PFKFB3: variants seen among roughly 807,000 people sequenced by gnomAD.
PFKFB3 encodes 6-phosphofructo-2-kinase/fructose-2,6-biphosphatase 3.
Under a neutral mutation model 68.0 loss-of-function variants are expected in PFKFB3, and 33 were observed. The observed-to-expected ratio is 0.49, with a 90% CI of 0.37 to 0.65. The LOEUF (loss-of-function observed/expected upper bound fraction) is 0.65, where lower values mean the gene tolerates loss of function less well. Among genes scored for constraint, PFKFB3 ranks in the 30% least tolerant of loss-of-function variants. The pLI is 0.00. For synonymous variants in PFKFB3, 315 were observed against 288.2 expected (o/e 1.09, Z -0.94); for missense variants, 586 against 712.2 (o/e 0.82, Z 2.02).
chr10:6,219,424 T>C, intron 6 of PFKFB3, 145 bp from the exon 7 acceptor site: 1 of 808,212 alleles, frequency 1.2e-6, no homozygotes, highest in Non-Finnish European at 2.0e-6. Context: ...CCCAGCATCT[T>C]TCTCCCTTTC....
intron 1 of PFKFB3, among the ~76,000 whole-genome samples, chr10:6,170,077 G>T (rs75419115): frequency 0.011 from 1,648 of 152,272 alleles, 69 homozygotes; most frequent in East Asian, 0.099. Context: ...TGAAGTGGGG[G>T]TGGGAGGACA....
chr10:6,268,223 G>C, the PFKFB3 span, among the ~76,000 whole-genome samples: 12 of 152,164 alleles, frequency 7.9e-5, no homozygotes, highest in Non-Finnish European at 1.6e-4. Context: ...CAGTAATGCT[G>C]AAAGCATGTG....
intron 14 of PFKFB3, among the ~76,000 whole-genome samples, chr10:6,227,069 G>A (rs1396193994): frequency 1.3e-5 from 2 of 151,876 alleles, no homozygotes; most frequent in African/African-American, 4.8e-5. Context: ...CTGGGTGACA[G>A]AGGGAGACTC....
chr10:6,185,134 C>T (rs759759922), intron 1 of PFKFB3, among the ~76,000 whole-genome samples: 25 of 152,230 alleles, frequency 1.6e-4, no homozygotes, highest in Non-Finnish European at 2.4e-4. Flanking sequence ...AGGGTGACCA[C>T]GGCACGCCCC....
chr10:6,266,396 C>T, the PFKFB3 span, among the ~76,000 whole-genome samples: 1 of 152,110 alleles, frequency 6.6e-6, no homozygotes, highest in East Asian at 1.9e-4. Context: ...TAGGCCTGTA[C>T]AATACTCCAG....
chr10:6,148,788 G>A (rs1285894441), intron 1 of PFKFB3, among the ~76,000 whole-genome samples: 1 of 152,106 alleles, frequency 6.6e-6, no homozygotes, highest in Non-Finnish European at 1.5e-5. Flanking sequence ...CTTAGAAATC[G>A]AATAGATGGG....
At chr10:6,194,763 C>T (rs555589372) in intron 1 of PFKFB3, among the ~76,000 whole-genome samples, 14 of 152,322 alleles carry the variant, frequency 9.2e-5, no homozygotes, top group African/African-American at 3.4e-4. Context: ...TGATTTGTCC[C>T]TTTGCACAGT....
chr10:6,236,516 C>G (rs1846015775), downstream of PFKFB3, among the ~76,000 whole-genome samples: 1 of 152,230 alleles, frequency 6.6e-6, no homozygotes, highest in African/African-American at 2.4e-5. Context: ...GCCGCCCACG[C>G]TGTGAAGAGA....
chr10:6,223,009 G>A (rs368617858), intron 11 of PFKFB3, 25 bp downstream of exon 11: 45 of 1,605,122 alleles, frequency 2.8e-5, no homozygotes, highest in Middle Eastern at 3.4e-4. Flanking sequence ...TCGTGGCCCC[G>A]GGATGGAGGG....
chr10:6,231,199 A>C, intron 14 of PFKFB3: 1 of 1,171,518 alleles, frequency 8.5e-7, no homozygotes, highest in East Asian at 2.3e-5. Context: ...AATCCTACTA[A>C]AGATTTTCTT....
intron 14 of PFKFB3, among the ~76,000 whole-genome samples, chr10:6,245,337 T>C (rs921859197): frequency 4.6e-5 from 7 of 152,058 alleles, no homozygotes; most frequent in Admixed American, 1.3e-4. Context: ...CCTTGTGATC[T>C]GCCCGCCTTG....
the PFKFB3 span, among the ~76,000 whole-genome samples, chr10:6,262,469 A>AAAAAAAAAG: frequency 8.2e-6 from 1 of 121,726 alleles, no homozygotes; most frequent in Non-Finnish European, 1.7e-5. Context: ...AAAAAAAAAA[A>AAAAAAAAAG]AAAAAAAAAA....
chr10:6,302,915 C>T, the PFKFB3 span, among the ~76,000 whole-genome samples: 1 of 152,028 alleles, frequency 6.6e-6, no homozygotes, highest in Non-Finnish European at 1.5e-5. Flanking sequence ...TTGGACATGG[C>T]GTCTCCCCAG....
upstream of PFKFB3, among the ~76,000 whole-genome samples, chr10:6,198,203 A>C (rs1444605985): frequency 6.6e-6 from 1 of 150,380 alleles, no homozygotes; most frequent in Non-Finnish European, 1.5e-5. Context: ...CCGAGATGGT[A>C]CCACTGCACT....
At chr10:6,199,600 T>G (rs1588458760), upstream of PFKFB3, among the ~76,000 whole-genome samples, 1 of 147,388 alleles carries the variant, frequency 6.8e-6, no homozygotes, top group African/African-American at 2.5e-5. Flanking sequence ...TCCTCCCACC[T>G]CAGTCTCCAA....
chr10:6,204,526 C>T (rs1409924179), intron 1 of PFKFB3, among the ~76,000 whole-genome samples: 2 of 152,238 alleles, frequency 1.3e-5, no homozygotes, highest in African/African-American at 2.4e-5. Context: ...ACACCCACCC[C>T]CATGGTGTGC....
chr10:6,320,242 A>G, the PFKFB3 span, among the ~76,000 whole-genome samples: 1 of 152,192 alleles, frequency 6.6e-6, no homozygotes, highest in Non-Finnish European at 1.5e-5. Context: ...GCATCTTCTA[A>G]GAGACACAGC....
chr10:6,252,578 T>C (rs139888265), intron 14 of PFKFB3, among the ~76,000 whole-genome samples: 1 of 152,346 alleles, frequency 6.6e-6, no homozygotes, highest in African/African-American at 2.4e-5. Flanking sequence ...TACGCACATT[T>C]AGAACCATAT....
chr10:6,206,239 C>G (rs1165448910), intron 1 of PFKFB3, among the ~76,000 whole-genome samples: 1 of 144,472 alleles, frequency 6.9e-6, no homozygotes, highest in Admixed American at 7.0e-5. Context: ...GTGGACACAG[C>G]ACATGTTTCA....
Sources: allele counts gnomAD v4.1 joint callset (sites outside exome capture counted in the v4.1 genomes callset), GRCh38; gene constraint gnomAD v4.1.1; transcripts MANE v1.5; gene names NCBI Gene and HGNC (gene_info 2026-07-23, HGNC 2026-07-21).